PPFIA2: variants seen among roughly 807,000 people sequenced by gnomAD.
PPFIA2 encodes the protein PPFI scaffold protein A2.
Under a neutral mutation model 175.5 loss-of-function variants are expected in PPFIA2, and 46 were observed. That is an observed-to-expected ratio of 0.26 (90% confidence interval 0.21 to 0.34). PPFIA2 has a LOEUF of 0.34. PPFIA2 is among the 10% of genes least tolerant of loss of function. The pLI is 1.00. For synonymous variants in PPFIA2, 568 were observed against 511.4 expected (o/e 1.11, Z -1.49); for missense variants, 1,179 against 1,506.1 (o/e 0.78, Z 3.60).
intron 16 of PPFIA2, among the ~76,000 whole-genome samples, chr12:81,354,071 G>A (rs761517893): frequency 6.6e-6 from 1 of 152,178 alleles, no homozygotes; most frequent in Non-Finnish European, 1.5e-5. Context: ...TGAGCCTTCA[G>A]TGAGTTTTAA....
intron 4 of PPFIA2, among the ~76,000 whole-genome samples, chr12:81,653,037 T>C (rs1291556106): frequency 6.6e-6 from 1 of 152,064 alleles, no homozygotes; most frequent in African/African-American, 2.4e-5. Flanking sequence ...CCCAATTCAC[T>C]TCCCTACTGC....
intron 4 of PPFIA2, among the ~76,000 whole-genome samples, chr12:81,620,706 G>T (rs780910441): frequency 2.6e-5 from 4 of 152,180 alleles, no homozygotes; most frequent in African/African-American, 4.8e-5. Context: ...CATTAAAGAG[G>T]CTCAGCAGAG....
intron 4 of PPFIA2, among the ~76,000 whole-genome samples, chr12:81,578,418 AT>A (rs2073924087): frequency 6.6e-6 from 1 of 151,792 alleles, no homozygotes; most frequent in Non-Finnish European, 1.5e-5. Flanking sequence ...CTTGTCTTTC[AT>A]AAAAAATTAT....
At position 81,485,057 on chromosome 12, in the gene PPFIA2, A is replaced by T. The variant is rs192456743; in HGVS notation, c.304-27191T>A. On this transcript the variant is annotated intron_variant, in intron 4 of 32. Coordinates refer to ENST00000549396, the MANE Select transcript of PPFIA2 (RefSeq NM_003625.5). ...ATAGGCTAAAAACTACTTTAAAATTAATGATTCAAATTATTTTTAAGGCCA... is the reference window on the plus strand; with the variant it reads ...ATAGGCTAAAAACTACTTTAAAATTTATGATTCAAATTATTTTTAAGGCCA... Among the ~76,000 whole-genome samples, 41 of 152,002 alleles carry T rather than the reference A, an allele frequency of 2.7e-4. No individual in the cohort carries two copies. In the East Asian group the frequency reaches 3.5e-3, roughly 13 times the overall value.
intron 3 of PPFIA2, among the ~76,000 whole-genome samples, chr12:81,724,737 G>A (rs1216499428): frequency 6.6e-6 from 1 of 150,796 alleles, no homozygotes; most frequent in African/African-American, 2.4e-5. Context: ...CTATTGATGG[G>A]CACTTAGATT....
At chr12:81,606,715 C>A (rs1257352148) in intron 4 of PPFIA2, among the ~76,000 whole-genome samples, 1 of 151,986 alleles carries the variant, frequency 6.6e-6, no homozygotes, top group African/African-American at 2.4e-5. Flanking sequence ...TATATTAGAC[C>A]TCTGTCAGAC....
chr12:81,469,684 C>T (rs531154246), intron 4 of PPFIA2, among the ~76,000 whole-genome samples: 6 of 152,182 alleles, frequency 3.9e-5, no homozygotes, highest in Non-Finnish European at 7.3e-5. Flanking sequence ...TTAAATGTGA[C>T]GCCAAAAGCT....
chr12:81,660,473 G>A (rs2068619924), intron 4 of PPFIA2, among the ~76,000 whole-genome samples: 1 of 152,146 alleles, frequency 6.6e-6, no homozygotes, highest in East Asian at 1.9e-4. Flanking sequence ...TGAATGAAAT[G>A]AAGTGAGAAG....
At chr12:81,558,681 G>A (rs969265763) in intron 4 of PPFIA2, among the ~76,000 whole-genome samples, 3 of 152,066 alleles carry the variant, frequency 2.0e-5, no homozygotes, top group African/African-American at 7.2e-5. Context: ...GATATCTACA[G>A]GGACTTGAAA....
intron 21 of PPFIA2, among the ~76,000 whole-genome samples, chr12:81,327,786 C>T (rs1008819036): frequency 5.3e-5 from 8 of 151,646 alleles, no homozygotes; most frequent in South Asian, 2.1e-4. Flanking sequence ...GAAATAAAAG[C>T]AAAGAAAAAT....
intron 4 of PPFIA2, among the ~76,000 whole-genome samples, chr12:81,595,503 C>G (rs1263249306): frequency 6.6e-6 from 1 of 151,958 alleles, no homozygotes; most frequent in Non-Finnish European, 1.5e-5. Context: ...ATCCAGGGTC[C>G]AGGCACCTCT....
At chr12:81,557,944 G>A (rs1594913566) in intron 4 of PPFIA2, among the ~76,000 whole-genome samples, 1 of 151,984 alleles carries the variant, frequency 6.6e-6, no homozygotes, top group Non-Finnish European at 1.5e-5. Context: ...GGCATGCCAT[G>A]GCCTAATCTG....
At chr12:81,701,740 T>C (rs1483961259) in intron 3 of PPFIA2, among the ~76,000 whole-genome samples, 1 of 152,060 alleles carries the variant, frequency 6.6e-6, no homozygotes, top group Non-Finnish European at 1.5e-5. Context: ...CTATTCTTTC[T>C]GTCAGTATGT....
At chr12:81,684,948 C>A (rs2074218525) in intron 3 of PPFIA2, among the ~76,000 whole-genome samples, 1 of 151,982 alleles carries the variant, frequency 6.6e-6, no homozygotes, top group African/African-American at 2.4e-5. Flanking sequence ...ACTGCCAATG[C>A]TTCCAATTAA....
At chr12:81,566,845 C>T (rs980198929) in intron 4 of PPFIA2, among the ~76,000 whole-genome samples, 1 of 152,150 alleles carries the variant, frequency 6.6e-6, no homozygotes, top group African/African-American at 2.4e-5. Context: ...TACACTTTCT[C>T]ATATATCTAT....
chr12:81,492,211 A>T (rs970842080), intron 4 of PPFIA2, among the ~76,000 whole-genome samples: 1 of 151,470 alleles, frequency 6.6e-6, no homozygotes, highest in African/African-American at 2.4e-5. Flanking sequence ...ACCCACAAAA[A>T]GTCTCAATTA....
At chr12:81,634,010 G>T (rs2063705261) in intron 4 of PPFIA2, among the ~76,000 whole-genome samples, 1 of 152,018 alleles carries the variant, frequency 6.6e-6, no homozygotes, top group African/African-American at 2.4e-5. Flanking sequence ...TTAAACTGGT[G>T]TTAACTTTGT....
At chr12:81,513,886 T>G (rs757799348) in intron 4 of PPFIA2, among the ~76,000 whole-genome samples, 15 of 151,984 alleles carry the variant, frequency 9.9e-5, no homozygotes, top group Non-Finnish European at 1.9e-4. Flanking sequence ...TAAATGGCAA[T>G]AAATTAGCAG....
intron 3 of PPFIA2, among the ~76,000 whole-genome samples, chr12:81,714,492 T>C (rs554687431): frequency 4.6e-5 from 7 of 151,076 alleles, no homozygotes; most frequent in Non-Finnish European, 8.8e-5. Context: ...AAACAACCAG[T>C]TGCCAATGTG....
Sources: allele counts gnomAD v4.1 joint callset (sites outside exome capture counted in the v4.1 genomes callset), GRCh38; gene constraint gnomAD v4.1.1; transcripts MANE v1.5; gene names NCBI Gene and HGNC (gene_info 2026-07-23, HGNC 2026-07-21).